CXCR2: variants seen among roughly 807,000 people sequenced by gnomAD.
CXCR2 encodes the protein C-X-C motif chemokine receptor 2.
CXCR2 carries 2 observed loss-of-function variants against 3.7 expected under a neutral mutation model. The observed-to-expected ratio is 0.55, with a 90% CI of 0.22 to 1.72. The LOEUF (loss-of-function observed/expected upper bound fraction) is 1.72, where lower values mean the gene tolerates loss of function less well. CXCR2 is among the 40% of genes most tolerant of loss of function. The pLI is 0.19. For synonymous variants in CXCR2, 203 were observed against 193.3 expected (o/e 1.05, Z -0.41); for missense variants, 351 against 450.1 (o/e 0.78, Z 1.99).
Position 218,136,922 on chromosome 2 carries a change from C to G in CXCR2, c.*1038C>G, listed in dbSNP as rs1301956181. The G allele has an allele frequency of 1.2e-5, 2 of 167,062 alleles. No homozygotes were observed. Among genetic ancestry groups the G allele is most frequent in the Non-Finnish European group, 2.9e-5 (2 of 68,078 alleles). The allele number at this position is 167,062 out of a possible 1,614,324, so 10.3% of individuals were successfully genotyped here. ...AGACAGAAAGCAGAACAGTGATTAC[C>G]AGGGACTGAGGGGAGGGGAGCATGG... On this transcript the variant is annotated 3_prime_UTR_variant, in exon 3 of 3. Transcript: ENST00000318507.
chr2:218,132,771 A>G (rs1690678967), intron 2 of CXCR2, among the ~76,000 whole-genome samples: 1 of 152,172 alleles, frequency 6.6e-6, no homozygotes. Flanking sequence ...GTTGCTCATG[A>G]CTGTTCCTCA....
chr2:218,136,240 G>A lies in CXCR2; in HGVS notation c.*356G>A, dbSNP rs914109359. The A allele has an allele frequency of 3.9e-5, 8 of 207,068 alleles. 1 individual carries two copies. Among genetic ancestry groups the A allele is most frequent in the East Asian group, 2.5e-4 (2 of 8,046 alleles). The allele number at this position is 207,068 out of a possible 1,614,324, so 12.8% of individuals were successfully genotyped here. On this transcript the variant is annotated 3_prime_UTR_variant, in exon 3 of 3. Coordinates refer to ENST00000318507, the MANE Select transcript of CXCR2 (RefSeq NM_001557.4). ...AAGAAAGAAAATCAGGCTGGCCAAC[G>A]GGGTGAAACCCTGTCTCTACTAAAA... is the stretch of plus-strand genomic sequence containing the variant.
At chr2:218,131,840 G>A (rs1690655496) in intron 2 of CXCR2, among the ~76,000 whole-genome samples, 1 of 151,440 alleles carries the variant, frequency 6.6e-6, no homozygotes, top group East Asian at 1.9e-4. Context: ...CGGCATGCTG[G>A]GAAGGCAATG....
upstream of CXCR2, chr2:218,125,667 G>A (rs1412818489): frequency 1.3e-5 from 2 of 152,622 alleles, no homozygotes; most frequent in Non-Finnish European, 2.9e-5. Context: ...GGAGCAGTAG[G>A]AAGGAAGCCA....
Position 218,136,383 on chromosome 2 carries a change from G to A in CXCR2, c.*499G>A, listed in dbSNP as rs200097337. 2.5e-4 allele frequency: 42 copies of A among 171,382 alleles called. No individual in the cohort carries two copies. The South Asian group carries it at 7.3e-3, about 30-fold the overall frequency. The allele number at this position is 171,382 out of a possible 1,614,324, so 10.6% of individuals were successfully genotyped here. The stretch of plus-strand genomic sequence containing the variant: ...CGGGAGGCAGAGGTTGCAGTGAGCC[G>A]AGATTGTGCCCCTGCACTCCAGCCT... On this transcript the variant is annotated 3_prime_UTR_variant, in exon 3 of 3. Coordinates refer to ENST00000318507, the MANE Select transcript of CXCR2 (RefSeq NM_001557.4).
chr2:218,125,322 T>C (rs1690484270), upstream of CXCR2: 1 of 152,204 alleles, frequency 6.6e-6, no homozygotes, highest in Admixed American at 6.5e-5. Flanking sequence ...TATGCAGCCG[T>C]TTTCTCCTTC....
chr2:218,135,376 T>G lies in CXCR2; in HGVS notation c.575T>G (p.Val192Gly). The change falls in exon 3 of 3, where the codon GTT becomes GGT. Residue 192 changes from valine to glycine, a missense_variant. Transcript: ENST00000318507. This position sits in a 1 kb window ranked among gnomAD's most constrained non-coding sequence, Gnocchi z 4.0. Reference sequence around the variant, plus strand: ...CGAAGGACCGTCTACTCATCCAATGTTAGCCCAGCCTGCTATGAGGACATG... The same window carrying G: ...CGAAGGACCGTCTACTCATCCAATGGTAGCCCAGCCTGCTATGAGGACATG... ...LFRRTVYSSN[V>G]SPACYEDMGN... 6.2e-7 allele frequency: 1 copy of G among 1,614,220 alleles called. No homozygotes were observed. The highest frequency in any genetic ancestry group is 8.5e-7 in the Non-Finnish European group (1 of 1,180,034).
chr2:218,136,299 T>A lies in CXCR2; in HGVS notation c.*415T>A. ...AAAAAAAAAAATTAGCCGGGCGTGG[T>A]GGTGAGTGCCTGTAATCACAGCTAC... On this transcript the variant is annotated 3_prime_UTR_variant, in exon 3 of 3. Transcript: ENST00000318507. 1 of 172,248 alleles carries A rather than the reference T, an allele frequency of 5.8e-6. No homozygotes were observed. Among genetic ancestry groups the A allele is most frequent in the Non-Finnish European group, 1.4e-5 (1 of 72,524 alleles). 10.7% of individuals were successfully genotyped at this position (172,248 alleles called of 1,614,324 possible). A position where few individuals can be genotyped will look rare whatever the true frequency, so the allele number is the denominator to read the frequency against.
intron 2 of CXCR2, among the ~76,000 whole-genome samples, chr2:218,133,770 G>A (rs1690709367): frequency 6.6e-6 from 1 of 152,216 alleles, no homozygotes; most frequent in Admixed American, 6.5e-5. Context: ...GTCTCCAGCA[G>A]GGCTGGAAAG....
chr2:218,135,313 G>A lies in CXCR2; in HGVS notation c.512G>A (p.Gly171Asp), dbSNP rs1690759254. The change falls in exon 3 of 3, where the codon GGT becomes GAT. Residue 171 changes from glycine to aspartate, a missense_variant. Transcript: ENST00000318507. The surrounding 1 kb of genome is among the most constrained non-coding windows in gnomAD (Gnocchi z 4.0). The stretch of plus-strand genomic sequence containing the variant: ...AAATTCATATGTCTCAGCATCTGGG[G>A]TCTGTCCTTGCTCCTGGCCCTGCCT... ...LVKFICLSIWGLSLLLALPVL... is the reference protein window; with the variant it reads ...LVKFICLSIWDLSLLLALPVL... 1 of 1,614,050 alleles carries A rather than the reference G, an allele frequency of 6.2e-7. No homozygotes were observed. The highest frequency in any genetic ancestry group is 8.5e-7 in the Non-Finnish European group (1 of 1,180,040).
rs1014647889 is a variant in CXCR2 at position 218,135,117 on chromosome 2, G to A, written c.316G>A (p.Ala106Thr). ...TGCCCTGACCTTGCCCATCTGGGCC[G>A]CCTCCAAGGTGAATGGCTGGATTTT... ...LFALTLPIWA[A>T]SKVNGWIFGT... The change falls in exon 3 of 3, where the codon GCC becomes ACC. Residue 106 changes from alanine to threonine, a missense_variant. Ala to Thr is a moderately conservative substitution (Grantham distance 58). Transcript: ENST00000318507. The surrounding 1 kb of genome is among the most constrained non-coding windows in gnomAD (Gnocchi z 4.0). 1.9e-5 allele frequency: 31 copies of A among 1,614,064 alleles called. No homozygotes were observed. Among genetic ancestry groups the A allele is most frequent in the Admixed American group, 6.7e-5 (4 of 60,010 alleles).
In CXCR2 at chr2:218,135,395, G is replaced by A. The variant is rs201063764; in HGVS notation, c.594G>A (p.Glu198=). The part of the protein sequence containing the change: ...YSSNVSPACY[E]DMGNNTANWR... ...CCAATGTTAGCCCAGCCTGCTATGA[G>A]GACATGGGCAACAATACAGCAAACT... The change falls in exon 3 of 3, where the codon GAG becomes GAA. Residue 198 remains glutamate (E), a synonymous_variant. Transcript: ENST00000318507. This position sits in a 1 kb window ranked among gnomAD's most constrained non-coding sequence, Gnocchi z 4.0. The A allele has an allele frequency of 2.2e-5, 36 of 1,614,212 alleles. No individual in the cohort carries two copies. The South Asian group carries it at 2.9e-4, about 13-fold the overall frequency.
chr2:218,126,845 GT>G lies in CXCR2; in HGVS notation c.-78+497del, dbSNP rs544878374. Among the ~76,000 whole-genome samples, 206 of 122,460 alleles carry G rather than the reference GT, an allele frequency of 1.7e-3. 1 individual carries two copies. Among genetic ancestry groups the G allele is most frequent in the Non-Finnish European group, 2.4e-3 (138 of 57,938 alleles). The allele number at this position is 122,460 out of a possible 152,430, so 80.3% of individuals were successfully genotyped here. ...TGGGTTTTGTTTGTTTGTTTGTTTT[GT>G]TTTTGTTTTTGTAAAGACAGGGTTT... On this transcript the variant is annotated intron_variant, in intron 1 of 2. Coordinates refer to ENST00000318507, the MANE Select transcript of CXCR2 (RefSeq NM_001557.4).
In CXCR2 at chr2:218,136,714, A is replaced by G. The variant is rs1690818529; in HGVS notation, c.*830A>G. Reference sequence around the variant, plus strand: ...TCATCAATGAATGAATGAATGGCTAAGCAAAATGTGATATGTACCTAACGA... The same window carrying G: ...TCATCAATGAATGAATGAATGGCTAGGCAAAATGTGATATGTACCTAACGA... On this transcript the variant is annotated 3_prime_UTR_variant, in exon 3 of 3. Coordinates refer to ENST00000318507, the MANE Select transcript of CXCR2 (RefSeq NM_001557.4). 6.0e-6 allele frequency: 1 copy of G among 167,122 alleles called. No homozygotes were observed. The highest frequency in any genetic ancestry group is 1.5e-5 in the Non-Finnish European group (1 of 68,134). The allele number at this position is 167,122 out of a possible 1,614,324, so 10.4% of individuals were successfully genotyped here. A position where few individuals can be genotyped will look rare whatever the true frequency, so the allele number is the denominator to read the frequency against.
At chr2:218,131,691 G>A (rs914276732) in intron 2 of CXCR2, among the ~76,000 whole-genome samples, 4 of 151,462 alleles carry the variant, frequency 2.6e-5, no homozygotes, top group Admixed American at 6.6e-5. Flanking sequence ...GGATGGTCTC[G>A]ATCTCCTGAC....
At chr2:218,127,815 C>A (rs553320913) in intron 1 of CXCR2, among the ~76,000 whole-genome samples, 14 of 152,308 alleles carry the variant, frequency 9.2e-5, no homozygotes, top group African/African-American at 3.4e-4. Flanking sequence ...CTGGAAAGCA[C>A]TTTGCCCAGA....
chr2:218,127,271 C>T (rs768216370), intron 1 of CXCR2, among the ~76,000 whole-genome samples: 33 of 152,116 alleles, frequency 2.2e-4, no homozygotes, highest in African/African-American at 6.5e-4. Context: ...GGATTACAGG[C>T]GTGCGCTGCC....
intron 1 of CXCR2, among the ~76,000 whole-genome samples, chr2:218,127,382 C>T (rs1340732531): frequency 6.6e-6 from 1 of 152,214 alleles, no homozygotes; most frequent in Non-Finnish European, 1.5e-5. Context: ...TCACCTCAGC[C>T]TCCCAAAGTG....
chr2:218,133,925 C>A (rs1191375411), intron 2 of CXCR2, among the ~76,000 whole-genome samples: 1 of 152,230 alleles, frequency 6.6e-6, no homozygotes, highest in East Asian at 1.9e-4. Context: ...TACGTTTCCA[C>A]CCACAGGGAG....
Sources: gnomAD v4.1 joint callset for allele counts (sites outside exome capture counted in the v4.1 genomes callset) on GRCh38, gnomAD v4.1.1 for gene constraint, Gnocchi (gnomAD v3.1) non-coding constraint, MANE v1.5 for transcripts, NCBI Gene and HGNC (gene_info 2026-07-23, HGNC 2026-07-21) for gene names.